The following FOXP1 variants were observed in gnomAD, a reference collection of about 807,000 sequenced individuals.
FOXP1 encodes the protein forkhead box P1.
Under a neutral mutation model 98.2 loss-of-function variants are expected in FOXP1, and 15 were observed. That is an observed-to-expected ratio of 0.15 (90% CI 0.10 to 0.24). The LOEUF is 0.24. FOXP1 is among the 10% of genes least tolerant of loss of function. The pLI is 1.00. For missense variants in FOXP1, 633 were observed against 848.5 expected (o/e 0.75, Z 3.15); for synonymous variants, 371 against 314.5 (o/e 1.18, Z -1.90).
chr3:71,537,578 T>A (rs563878963), intron 2 of FOXP1, among the ~76,000 whole-genome samples: 4 of 152,100 alleles, frequency 2.6e-5, no homozygotes, highest in Non-Finnish European at 5.9e-5. Context: ...AAAGACGGTG[T>A]TTTTTTGGCA....
intron 3 of FOXP1, among the ~76,000 whole-genome samples, chr3:71,433,527 A>C (rs1362057552): frequency 6.6e-6 from 1 of 152,226 alleles, no homozygotes; most frequent in Admixed American, 6.5e-5. Flanking sequence ...GAGGGCAGGC[A>C]GGGGAGACTT....
intron 4 of FOXP1, chr3:71,332,486 C>G (rs1368913114): frequency 5.8e-6 from 1 of 171,070 alleles, no homozygotes; most frequent in East Asian, 1.7e-4. Flanking sequence ...GACACACCAG[C>G]ACTTTAGGAG....
intron 4 of FOXP1, among the ~76,000 whole-genome samples, chr3:71,326,724 T>C (rs1394832793): frequency 6.6e-6 from 1 of 152,140 alleles, no homozygotes; most frequent in Non-Finnish European, 1.5e-5. Flanking sequence ...GGGTAAATAT[T>C]TTTTTAAAGC....
At chr3:71,406,813 C>A (rs1310089557) in intron 3 of FOXP1, among the ~76,000 whole-genome samples, 1 of 152,090 alleles carries the variant, frequency 6.6e-6, no homozygotes, top group African/African-American at 2.4e-5. Context: ...ATGACACATT[C>A]TGACAATAAC....
chr3:71,142,393 C>G (rs1270511458), intron 6 of FOXP1, among the ~76,000 whole-genome samples: 1 of 152,186 alleles, frequency 6.6e-6, no homozygotes, highest in Non-Finnish European at 1.5e-5. Context: ...GGTCCCAAAT[C>G]AGCTGACTTG....
chr3:71,463,766 T>A (rs2088404738), intron 3 of FOXP1, among the ~76,000 whole-genome samples: 1 of 152,284 alleles, frequency 6.6e-6, no homozygotes, highest in Non-Finnish European at 1.5e-5. Flanking sequence ...ATTAATCATG[T>A]CCTGGAGGTT....
intron 5 of FOXP1, among the ~76,000 whole-genome samples, chr3:71,204,316 G>C (rs1347572649): frequency 4.6e-5 from 7 of 152,190 alleles, no homozygotes; most frequent in Admixed American, 1.3e-4. Flanking sequence ...GGGTTTACAA[G>C]GCAACATAAG....
intron 6 of FOXP1, among the ~76,000 whole-genome samples, chr3:71,174,256 A>G (rs1029414503): frequency 1.3e-5 from 2 of 152,224 alleles, no homozygotes; most frequent in African/African-American, 4.8e-5. Context: ...GGAAAAACCC[A>G]CTTCCCAATA....
intron 6 of FOXP1, among the ~76,000 whole-genome samples, chr3:71,171,371 T>C (rs2061643938): frequency 6.6e-6 from 1 of 152,196 alleles, no homozygotes; most frequent in Non-Finnish European, 1.5e-5. Context: ...GTTAAATCAT[T>C]GTTCGCGCTG....
intron 6 of FOXP1, among the ~76,000 whole-genome samples, chr3:71,182,407 G>C (rs1160562265): frequency 6.6e-6 from 1 of 151,862 alleles, no homozygotes; most frequent in Non-Finnish European, 1.5e-5. Flanking sequence ...GTGTGAATGT[G>C]AATTAAATTA....
At chr3:71,297,572 A>G (rs1250941787) in intron 5 of FOXP1, among the ~76,000 whole-genome samples, 1 of 150,382 alleles carries the variant, frequency 6.6e-6, no homozygotes, top group Non-Finnish European at 1.5e-5. Flanking sequence ...GCAACTCTCA[A>G]GCTAAACTTT....
At chr3:71,330,266 T>A (rs2076213780) in intron 4 of FOXP1, among the ~76,000 whole-genome samples, 1 of 152,246 alleles carries the variant, frequency 6.6e-6, no homozygotes, top group Non-Finnish European at 1.5e-5. Flanking sequence ...TAAGGCACAA[T>A]GATCCCACAT....
At chr3:70,972,409 G>A in intron 18 of FOXP1, 146 bp downstream of exon 18, 1 of 1,197,892 alleles carries the variant, frequency 8.3e-7, no homozygotes. Flanking sequence ...CAAAACAGGA[G>A]GGATGAAATG....
rs56251436 is a variant in FOXP1 at position 71,073,154 on chromosome 3, G to T, written c.283-19381C>A. Among the ~76,000 whole-genome samples, 920 of 152,250 alleles carry T rather than the reference G, an allele frequency of 6.0e-3. 14 individuals carry two copies. The highest frequency in any genetic ancestry group is 0.021 in the African/African-American group (883 of 41,538). On this transcript the variant is annotated intron_variant, in intron 7 of 20. Transcript: ENST00000649528. ...CTAATTGATCTTAATTAAATTCAGC[G>T]ATGTCCAATTTTTGAGATGGGTCAG...
rs3830445 is a variant in FOXP1 at position 71,468,121 on chromosome 3, GT to G, written c.-168+25304del. On this transcript the variant is annotated intron_variant, in intron 3 of 20. Transcript: ENST00000649528. ...GATTTTTAATCCTTGGAGAAGCAAT[GT>G]TTTTTTTTTTCTTTCACATTCCTGT... Among the ~76,000 whole-genome samples, 184 of 146,584 alleles carry G rather than the reference GT, an allele frequency of 1.3e-3. 1 individual carries two copies. Among genetic ancestry groups the G allele is most frequent in the Admixed American group, 3.2e-3 (47 of 14,682 alleles).
intron 4 of FOXP1, among the ~76,000 whole-genome samples, chr3:71,306,631 C>CAAAAAAAAAAAAA (rs66479255): frequency 2.3e-5 from 1 of 42,834 alleles, no homozygotes; most frequent in Non-Finnish European, 4.2e-5. Context: ...GAGAATAAGC[C>CAAAAAAAAAAAAA]AAAAAAAAAA....
At chr3:71,426,828 C>T (rs1357141230) in intron 3 of FOXP1, among the ~76,000 whole-genome samples, 1 of 152,132 alleles carries the variant, frequency 6.6e-6, no homozygotes, top group Non-Finnish European at 1.5e-5. Flanking sequence ...TTTGGAAGGC[C>T]AAGACAGGCA....
chr3:71,407,108 ACT>A (rs933176163), intron 3 of FOXP1, among the ~76,000 whole-genome samples: 9 of 151,702 alleles, frequency 5.9e-5, no homozygotes, highest in Non-Finnish European at 1.0e-4. Context: ...CAGCAACTCC[ACT>A]CTGTTTCTTG....
At chr3:71,442,887 T>TTTTTTTTTA (rs2086074459) in intron 3 of FOXP1, among the ~76,000 whole-genome samples, 1 of 82,246 alleles carries the variant, frequency 1.2e-5, no homozygotes, top group African/African-American at 3.8e-5. Context: ...TCTTTTTTTA[T>TTTTTTTTTA]TTTTTTTTTA....
Sources: gnomAD v4.1 joint callset for allele counts (sites outside exome capture counted in the v4.1 genomes callset) on GRCh38, gnomAD v4.1.1 for gene constraint, MANE v1.5 for transcripts, NCBI Gene and HGNC (gene_info 2026-07-23, HGNC 2026-07-21) for gene names.